STK32B: variants seen among roughly 807,000 people sequenced by gnomAD.
The protein encoded by STK32B is serine/threonine-protein kinase 32B.
A neutral mutation model predicts 52.6 loss-of-function variants in STK32B; 43 were observed. The ratio of observed to expected loss-of-function variants is 0.82; its 90% CI spans 0.64 to 1.05. STK32B has a LOEUF of 1.05. Among genes scored for constraint, STK32B ranks in the 50% least tolerant of loss-of-function variants. The probability of loss-of-function intolerance (pLI) is 0.00; values close to 1 mark genes in which losing one functional copy is unlikely to be tolerated. For synonymous variants in STK32B, 238 were observed against 204.3 expected (o/e 1.17, Z -1.41); for missense variants, 621 against 534.6 (o/e 1.16, Z -1.59).
In STK32B at chr4:5,398,543, C is replaced by T. The variant is rs1379815024; in HGVS notation, c.472+299C>T. Among the ~76,000 whole-genome samples the T allele has an allele frequency of 1.3e-5, 2 of 152,146 alleles. No individual in the cohort carries two copies. Among genetic ancestry groups the T allele is most frequent in the African/African-American group, 4.8e-5 (2 of 41,430 alleles). The stretch of plus-strand genomic sequence containing the variant: ...AGCCCGGGGTTCCAACCCCAACTCC[C>T]TCACCTATGAACGTGTGGCTTCAGA... On this transcript the variant is annotated intron_variant, in intron 5 of 11. Coordinates refer to ENST00000282908, the MANE Select transcript of STK32B (RefSeq NM_018401.3). This position sits in a 1 kb window ranked among gnomAD's most constrained non-coding sequence, Gnocchi z 4.9.
intron 1 of STK32B, among the ~76,000 whole-genome samples, chr4:5,082,731 A>T (rs1382106830): frequency 3.9e-5 from 2 of 51,882 alleles, no homozygotes; most frequent in African/African-American, 6.8e-5. Context: ...TGTTCGTAGT[A>T]AAAAAAAAAA....
In STK32B at chr4:5,139,917, A is replaced by G. The variant is rs1411826365; in HGVS notation, c.65A>G (p.His22Arg). 1.9e-6 allele frequency: 3 copies of G among 1,614,160 alleles called. No individual in the cohort carries two copies. Among genetic ancestry groups the G allele is most frequent in the Non-Finnish European group, 2.5e-6 (3 of 1,180,018 alleles). Residue 22 changes from histidine (H) to arginine (R), a missense_variant, in exon 2 of 12, where the codon CAT (histidine) becomes CGT (arginine). By Grantham distance (29) the His-to-Arg change is conservative (BLOSUM62 0). Coordinates refer to ENST00000282908, the MANE Select transcript of STK32B (RefSeq NM_018401.3). ...FDENEEVNFDHFQILRAIGKG... is the reference protein window; with the variant it reads ...FDENEEVNFDRFQILRAIGKG... ...TTTTCTTTTGCAGTCAACTTTGACC[A>G]TTTTCAGATTCTGCGGGCCATTGGT...
At chr4:5,438,144 G>C in intron 6 of STK32B, 1 of 985,218 alleles carries the variant, frequency 1.0e-6, no homozygotes, top group Non-Finnish European at 1.2e-6. Flanking sequence ...CTGCGCTATT[G>C]GAGCTTGTGG....
At chr4:5,166,345 G>A (rs991942434) in intron 2 of STK32B, among the ~76,000 whole-genome samples, 2 of 151,442 alleles carry the variant, frequency 1.3e-5, no homozygotes, top group Admixed American at 6.6e-5. Context: ...TCTGTGAAGC[G>A]GGGATAGTAA....
intron 3 of STK32B, among the ~76,000 whole-genome samples, chr4:5,317,146 A>G (rs1294665353): frequency 4.6e-5 from 2 of 43,748 alleles, no homozygotes; most frequent in African/African-American, 2.7e-4. Context: ...ATATATATGT[A>G]TAATATACAT....
chr4:5,244,105 G>C (rs921259283), intron 3 of STK32B, among the ~76,000 whole-genome samples: 3 of 152,114 alleles, frequency 2.0e-5, no homozygotes, highest in Non-Finnish European at 4.4e-5. Context: ...AAATGAGTTA[G>C]GGAGGATTCT....
At chr4:5,387,576 G>A (rs1020108488) in intron 4 of STK32B, among the ~76,000 whole-genome samples, 3 of 152,064 alleles carry the variant, frequency 2.0e-5, no homozygotes, top group Admixed American at 6.5e-5. Context: ...CTGGAGGAGG[G>A]CACTCCAGCC....
chr4:5,231,221 C>A (rs140558162), intron 3 of STK32B, among the ~76,000 whole-genome samples: 2 of 152,298 alleles, frequency 1.3e-5, no homozygotes, highest in East Asian at 3.9e-4. Flanking sequence ...GGGAAGAGAT[C>A]GTACATGTCT....
At chr4:5,311,264 G>A (rs1577325551) in intron 3 of STK32B, among the ~76,000 whole-genome samples, 1 of 152,144 alleles carries the variant, frequency 6.6e-6, no homozygotes, top group Non-Finnish European at 1.5e-5. Context: ...AAACCTTTGA[G>A]ATGATGCTTA....
At chr4:5,474,789 T>G (rs1026019581) in intron 11 of STK32B, among the ~76,000 whole-genome samples, 12 of 152,298 alleles carry the variant, frequency 7.9e-5, no homozygotes, top group East Asian at 5.8e-4. Context: ...CCGTAGGTAT[T>G]TTTATTCCCG....
intron 2 of STK32B, among the ~76,000 whole-genome samples, chr4:5,166,919 A>G (rs58044980): frequency 0.057 from 8,717 of 151,862 alleles, 463 homozygotes; most frequent in Middle Eastern, 0.14. Context: ...AATCCTTGCT[A>G]ACTGTCCAAG....
At chr4:5,073,560 C>T (rs939338449) in intron 1 of STK32B, among the ~76,000 whole-genome samples, 6 of 151,966 alleles carry the variant, frequency 3.9e-5, no homozygotes, top group Admixed American at 3.3e-4. Context: ...ATGTATATAA[C>T]GTTTCCAGTG....
At chr4:5,126,651 A>G (rs1480372441) in intron 1 of STK32B, among the ~76,000 whole-genome samples, 1 of 152,260 alleles carries the variant, frequency 6.6e-6, no homozygotes, top group Non-Finnish European at 1.5e-5. Context: ...ATCAGAGCTG[A>G]CAGCGCCAGG....
chr4:5,172,427 A>G (rs981414114), intron 3 of STK32B, among the ~76,000 whole-genome samples: 1 of 152,024 alleles, frequency 6.6e-6, no homozygotes, highest in Admixed American at 6.6e-5. Flanking sequence ...TCCATTCAGT[A>G]TGATATTGGC....
chr4:5,300,074 C>G (rs1186411513), intron 3 of STK32B, among the ~76,000 whole-genome samples: 1 of 152,108 alleles, frequency 6.6e-6, no homozygotes, highest in African/African-American at 2.4e-5. Context: ...GGCAGCACAT[C>G]AAAAAGTTAA....
chr4:5,368,945 C>A (rs1444675703), intron 4 of STK32B, among the ~76,000 whole-genome samples: 1 of 152,140 alleles, frequency 6.6e-6, no homozygotes, highest in Non-Finnish European at 1.5e-5. Flanking sequence ...TGTCCTCCAG[C>A]AGCTGTCCTT....
At chr4:5,445,618 C>T (rs980702893) in intron 6 of STK32B, among the ~76,000 whole-genome samples, 1 of 152,188 alleles carries the variant, frequency 6.6e-6, no homozygotes. Context: ...GGGTCCACCA[C>T]TCTTGGGCCT....
chr4:5,228,369 A>G lies in STK32B; in HGVS notation c.260+59919A>G, dbSNP rs1035234607. On this transcript the variant is annotated intron_variant, in intron 3 of 11. Coordinates refer to ENST00000282908, the MANE Select transcript of STK32B (RefSeq NM_018401.3). ...ATCATTGGAAACTGGCCATGCTGCA[A>G]TTTCTTCTGCTGACTTTTCACGCAA... Among the ~76,000 whole-genome samples the G allele has an allele frequency of 5.3e-5, 8 of 152,264 alleles. No homozygotes were observed. In the East Asian group the frequency reaches 1.2e-3, roughly 22 times the overall value.
At chr4:5,199,990 A>T (rs572490581) in intron 3 of STK32B, among the ~76,000 whole-genome samples, 41 of 152,190 alleles carry the variant, frequency 2.7e-4, no homozygotes, top group Admixed American at 4.6e-4. Flanking sequence ...CTCAGGGCTA[A>T]ACCACTTTAG....
Sources: gnomAD v4.1 joint callset for allele counts (sites outside exome capture counted in the v4.1 genomes callset) on GRCh38, gnomAD v4.1.1 for gene constraint, Gnocchi (gnomAD v3.1) non-coding constraint, MANE v1.5 for transcripts, NCBI Gene and HGNC (gene_info 2026-07-23, HGNC 2026-07-21) for gene names.